Variants in GRIK1 observed in about 807,000 individuals in gnomAD.
The protein encoded by GRIK1 is glutamate ionotropic receptor kainate type subunit 1, also known as glutamate receptor ionotropic, kainate 1.
A neutral mutation model predicts 105.7 loss-of-function variants in GRIK1; 69 were observed. The ratio of observed to expected loss-of-function variants is 0.65; its 90% CI spans 0.54 to 0.80. The LOEUF (loss-of-function observed/expected upper bound fraction) is 0.80, where lower values mean the gene tolerates loss of function less well. GRIK1 is among the 30% of genes least tolerant of loss of function. The pLI, the probability that GRIK1 is intolerant of heterozygous loss-of-function variation, is 0.00. For synonymous variants in GRIK1, 438 were observed against 431.3 expected (o/e 1.02, Z -0.19); for missense variants, 1,109 against 1,167.3 (o/e 0.95, Z 0.73).
chr21:29,638,018 T>C (rs544357552), intron 7 of GRIK1, among the ~76,000 whole-genome samples: 2 of 152,258 alleles, frequency 1.3e-5, no homozygotes, highest in South Asian at 4.1e-4. Context: ...ATAATAATGA[T>C]GACTCCAATA....
At position 29,689,727 on chromosome 21, in the gene GRIK1, C is replaced by G; in HGVS notation, c.544+1G>C. On this transcript the variant is annotated splice_donor_variant, in intron 3 of 17. Transcript: ENST00000327783. LOFTEE classifies it high-confidence loss of function. ...GGTGAGGTCTTGTGTGAGTCCCATA[C>G]CTGTGCTGTCTTCATACACCACTGT... 1.2e-6 allele frequency: 2 copies of G among 1,613,682 alleles called. No homozygotes were observed. Among genetic ancestry groups the G allele is most frequent in the Non-Finnish European group, 1.7e-6 (2 of 1,179,638 alleles).
At chr21:29,646,287 G>A (rs1315685643) in intron 6 of GRIK1, among the ~76,000 whole-genome samples, 1 of 152,112 alleles carries the variant, frequency 6.6e-6, no homozygotes, top group Admixed American at 6.6e-5. Flanking sequence ...CCAAGGCTTG[G>A]GTGAGCTTCC....
chr21:29,669,473 T>G (rs1601413597), intron 4 of GRIK1, among the ~76,000 whole-genome samples: 1 of 152,248 alleles, frequency 6.6e-6, no homozygotes, highest in East Asian at 1.9e-4. Context: ...ATGGCTGTGT[T>G]TTTTCCAGAC....
At chr21:29,738,233 T>C (rs383988) in intron 1 of GRIK1, among the ~76,000 whole-genome samples, 130,911 of 152,298 alleles carry the variant, frequency 0.86, 57,723 homozygotes, top group Non-Finnish European at 0.96. Flanking sequence ...ATTCTCCCAC[T>C]TTATCTGTTT....
At chr21:29,933,685 A>T (rs1342389044) in intron 1 of GRIK1, among the ~76,000 whole-genome samples, 2 of 152,090 alleles carry the variant, frequency 1.3e-5, no homozygotes, top group South Asian at 2.1e-4. Flanking sequence ...TTTACATGTG[A>T]TATATTTCAT....
intron 1 of GRIK1, among the ~76,000 whole-genome samples, chr21:29,716,032 T>C (rs1261749799): frequency 6.6e-6 from 1 of 152,032 alleles, no homozygotes; most frequent in Non-Finnish European, 1.5e-5. Context: ...CTCATGATAG[T>C]GAATGGGTTC....
intron 1 of GRIK1, among the ~76,000 whole-genome samples, chr21:29,808,111 G>A (rs1405797000): frequency 1.3e-5 from 2 of 152,144 alleles, no homozygotes; most frequent in Admixed American, 1.3e-4. Flanking sequence ...AGGCAGAAGA[G>A]CCCAGATTAC....
intron 7 of GRIK1, among the ~76,000 whole-genome samples, chr21:29,599,938 T>G (rs1028149571): frequency 2.9e-4 from 44 of 152,146 alleles, no homozygotes; most frequent in African/African-American, 8.9e-4. Flanking sequence ...TACAAAATAT[T>G]AGCCAGGCGT....
At chr21:29,758,242 G>A (rs1017564419) in intron 1 of GRIK1, among the ~76,000 whole-genome samples, 1 of 152,192 alleles carries the variant, frequency 6.6e-6, no homozygotes, top group African/African-American at 2.4e-5. Flanking sequence ...GTGTTAGTCT[G>A]TTCTCGCGCT....
chr21:29,539,590 A>G (rs2089937304), intron 16 of GRIK1, among the ~76,000 whole-genome samples: 1 of 152,204 alleles, frequency 6.6e-6, no homozygotes, highest in Admixed American at 6.5e-5. Context: ...ACATTACACC[A>G]TATAAAGCTT....
At chr21:29,720,030 A>C (rs1279754543) in intron 1 of GRIK1, among the ~76,000 whole-genome samples, 2 of 152,208 alleles carry the variant, frequency 1.3e-5, no homozygotes, top group Non-Finnish European at 2.9e-5. Context: ...CAAGCTGCTC[A>C]AGACTTCATT....
At chr21:29,769,113 G>C (rs1042571274) in intron 1 of GRIK1, among the ~76,000 whole-genome samples, 2 of 152,074 alleles carry the variant, frequency 1.3e-5, no homozygotes, top group African/African-American at 2.4e-5. Context: ...GGCTCATATA[G>C]TGCCTGGCTA....
chr21:29,674,652 C>G (rs2063231949), intron 3 of GRIK1, among the ~76,000 whole-genome samples: 4 of 152,012 alleles, frequency 2.6e-5, no homozygotes, highest in Admixed American at 2.6e-4. Context: ...GGCACTTCCC[C>G]CCTTGCTCTC....
intron 3 of GRIK1, among the ~76,000 whole-genome samples, chr21:29,684,288 ATC>A (rs2063441054): frequency 7.0e-6 from 1 of 142,192 alleles, no homozygotes; most frequent in African/African-American, 2.6e-5. Context: ...CTATCTATCT[ATC>A]TATCTATCAT....
chr21:29,565,899 G>T (rs889117604), intron 14 of GRIK1, among the ~76,000 whole-genome samples: 1 of 152,208 alleles, frequency 6.6e-6, no homozygotes, highest in Admixed American at 6.5e-5. Flanking sequence ...CACACAGAAG[G>T]TGGCAGAGGG....
At chr21:29,745,080 G>C (rs921296194) in intron 1 of GRIK1, among the ~76,000 whole-genome samples, 1 of 152,154 alleles carries the variant, frequency 6.6e-6, no homozygotes, top group Non-Finnish European at 1.5e-5. Context: ...TCTGTGATTT[G>C]ATTATAGAGG....
chr21:29,756,941 C>G (rs2065359614), intron 1 of GRIK1, among the ~76,000 whole-genome samples: 3 of 151,890 alleles, frequency 2.0e-5, no homozygotes, highest in Non-Finnish European at 2.9e-5. Flanking sequence ...TGGTGAAACC[C>G]CATCTCTACT....
intron 1 of GRIK1, among the ~76,000 whole-genome samples, chr21:29,839,410 G>A (rs537799068): frequency 6.6e-6 from 1 of 152,222 alleles, no homozygotes; most frequent in South Asian, 2.1e-4. Flanking sequence ...CAAAATATTT[G>A]TAAAACTAAC....
intron 1 of GRIK1, among the ~76,000 whole-genome samples, chr21:29,808,818 G>GC (rs1236525595): frequency 6.6e-6 from 1 of 152,186 alleles, no homozygotes; most frequent in East Asian, 1.9e-4. Context: ...ATTTTCCTTA[G>GC]CCCCCCATGT....
Sources: allele counts gnomAD v4.1 joint callset (sites outside exome capture counted in the v4.1 genomes callset), GRCh38; gene constraint gnomAD v4.1.1; transcripts MANE v1.5; gene names NCBI Gene and HGNC (gene_info 2026-07-23, HGNC 2026-07-21).